MCC: variants seen among roughly 807,000 people sequenced by gnomAD.
MCC encodes colorectal mutant cancer protein.
Under a neutral mutation model 116.2 loss-of-function variants are expected in MCC, and 90 were observed. The observed-to-expected ratio is 0.77, with a 90% CI of 0.65 to 0.92. MCC has a LOEUF of 0.92. MCC is among the 40% of genes least tolerant of loss of function. The pLI, the probability that MCC is intolerant of heterozygous loss-of-function variation, is 0.00. For missense variants in MCC, 1,516 were observed against 1,312.2 expected, an observed-to-expected ratio of 1.16 and a Z score of -2.40; for synonymous variants, 578 against 510.5, an observed-to-expected ratio of 1.13 and a Z score of -1.78.
chr5:113,054,012 G>T (rs1561758951), intron 14 of MCC, 53 bp from the exon 15 acceptor site: 1 of 1,290,166 alleles, frequency 7.8e-7, no homozygotes, highest in East Asian at 2.3e-5. Flanking sequence ...CCAAGTCATG[G>T]CAAATAGATC....
chr5:113,330,734 G>C (rs1767678279), intron 3 of MCC, among the ~76,000 whole-genome samples: 1 of 152,162 alleles, frequency 6.6e-6, no homozygotes, highest in South Asian at 2.1e-4. Flanking sequence ...TCTAGATATG[G>C]GACCACTGCC....
chr5:113,036,926 A>G (rs1751368281), intron 17 of MCC, among the ~76,000 whole-genome samples: 1 of 152,216 alleles, frequency 6.6e-6, no homozygotes, highest in Non-Finnish European at 1.5e-5. Context: ...CCACAGGCAC[A>G]CTTTGTATTC....
intron 1 of MCC, among the ~76,000 whole-genome samples, chr5:113,437,865 A>T (rs1770907420): frequency 6.6e-6 from 1 of 152,210 alleles, no homozygotes; most frequent in Non-Finnish European, 1.5e-5. Flanking sequence ...TATATGCTGT[A>T]CAGGGAATTT....
At chr5:113,113,829 T>C (rs562170529) in intron 6 of MCC, among the ~76,000 whole-genome samples, 19 of 151,318 alleles carry the variant, frequency 1.3e-4, no homozygotes, top group Admixed American at 3.9e-4. Flanking sequence ...TAAAGGAGAG[T>C]CAAAAGACAT....
intron 6 of MCC, among the ~76,000 whole-genome samples, chr5:113,106,621 A>G (rs1479987514): frequency 6.6e-6 from 1 of 152,154 alleles, no homozygotes; most frequent in African/African-American, 2.4e-5. Context: ...AGGCAGGGGT[A>G]CAATCCTAGC....
chr5:113,233,318 T>C (rs1274589626), intron 3 of MCC, among the ~76,000 whole-genome samples: 1 of 152,210 alleles, frequency 6.6e-6, no homozygotes, highest in East Asian at 1.9e-4. Flanking sequence ...AAAGGTTTGA[T>C]GTTTTCCTAT....
intron 3 of MCC, chr5:113,294,427 G>A (rs758437196): frequency 2.0e-5 from 32 of 1,613,024 alleles, no homozygotes; most frequent in Non-Finnish European, 2.5e-5. Context: ...CCCAGGTCTC[G>A]GAGCTTAAGA....
chr5:113,074,390 A>T, intron 11 of MCC, among the ~76,000 whole-genome samples: 1 of 152,262 alleles, frequency 6.6e-6, no homozygotes, highest in East Asian at 1.9e-4. Context: ...CATCACCATC[A>T]TCAATGACCA....
At chr5:113,389,530 A>G (rs1386749924) in intron 1 of MCC, among the ~76,000 whole-genome samples, 3 of 152,118 alleles carry the variant, frequency 2.0e-5, no homozygotes, top group African/African-American at 7.2e-5. Flanking sequence ...AACATTTAGT[A>G]CCTGCACCAG....
intron 3 of MCC, among the ~76,000 whole-genome samples, chr5:113,305,475 T>C (rs559039814): frequency 1.1e-3 from 161 of 152,348 alleles, no homozygotes; most frequent in Non-Finnish European, 1.6e-3. Flanking sequence ...TAATTGCAGC[T>C]TACAAATTTG....
intron 3 of MCC, among the ~76,000 whole-genome samples, chr5:113,171,468 C>T (rs1028109900): frequency 6.6e-6 from 1 of 151,824 alleles, no homozygotes; most frequent in African/African-American, 2.4e-5. Flanking sequence ...TATTCTGGTG[C>T]CTCAGCCTCC....
At chr5:113,059,145 T>TAAG (rs67326719) in intron 14 of MCC, among the ~76,000 whole-genome samples, 132,646 of 149,680 alleles carry the variant, frequency 0.89, 59,018 homozygotes, top group East Asian at 0.99. Context: ...AGGAAGGAAA[T>TAAG]AAAAAAAAAA....
chr5:113,051,859 G>A (rs4301226), intron 15 of MCC, among the ~76,000 whole-genome samples: 69,773 of 151,970 alleles, frequency 0.46, 16,290 homozygotes, highest in African/African-American at 0.54. Flanking sequence ...CCTAGAAACT[G>A]GTGAAAATCC....
chr5:113,207,076 C>T (rs570832266), intron 3 of MCC, among the ~76,000 whole-genome samples: 5 of 152,240 alleles, frequency 3.3e-5, no homozygotes, highest in Non-Finnish European at 4.4e-5. Context: ...GGCAAAGATA[C>T]GTAAAACAGA....
chr5:113,181,152 C>A (rs1367582193), intron 3 of MCC, among the ~76,000 whole-genome samples: 1 of 152,166 alleles, frequency 6.6e-6, no homozygotes, highest in East Asian at 1.9e-4. Context: ...TTAGACTATT[C>A]CTAAACATGA....
chr5:113,297,458 C>A (rs565556693), intron 3 of MCC, among the ~76,000 whole-genome samples: 2 of 151,898 alleles, frequency 1.3e-5, no homozygotes, highest in East Asian at 1.9e-4. Context: ...CCCAGCTACT[C>A]GGGAGGCTGA....
At chr5:113,168,830 T>C (rs1404638052) in intron 3 of MCC, among the ~76,000 whole-genome samples, 1 of 152,162 alleles carries the variant, frequency 6.6e-6, no homozygotes, top group African/African-American at 2.4e-5. Context: ...AGGCTAATTC[T>C]ATATTACCCC....
intron 1 of MCC, among the ~76,000 whole-genome samples, chr5:113,413,645 A>G (rs981096947): frequency 6.6e-6 from 1 of 151,986 alleles, no homozygotes; most frequent in African/African-American, 2.4e-5. Flanking sequence ...TATTGCATCT[A>G]TTTGAATCTT....
chr5:113,098,543 C>T (rs763629801), intron 8 of MCC, among the ~76,000 whole-genome samples: 1 of 152,194 alleles, frequency 6.6e-6, no homozygotes, highest in Non-Finnish European at 1.5e-5. Context: ...ATGGTTATAT[C>T]ACAGAGCAAA....
Sources: gnomAD v4.1 joint callset for allele counts (sites outside exome capture counted in the v4.1 genomes callset) on GRCh38, gnomAD v4.1.1 for gene constraint, MANE v1.5 for transcripts, NCBI Gene and HGNC (gene_info 2026-07-23, HGNC 2026-07-21) for gene names.